ZNF683: variants seen among roughly 807,000 people sequenced by gnomAD.
ZNF683 encodes zinc finger protein 683, also known as tissue-resident T-cell transcription regulator protein ZNF683.
A neutral mutation model predicts 31.4 loss-of-function variants in ZNF683; 20 were observed. The observed-to-expected ratio is 0.64, with a 90% CI of 0.45 to 0.93. ZNF683 has a LOEUF of 0.93. Ranked by LOEUF, ZNF683 falls within the 40% of genes least tolerant of loss-of-function variation. The probability of loss-of-function intolerance (pLI) is 0.00; values close to 1 mark genes in which losing one functional copy is unlikely to be tolerated. For missense variants in ZNF683, 621 were observed against 637.2 expected, an observed-to-expected ratio of 0.97 and a Z score of 0.27; for synonymous variants, 264 against 267.6, an observed-to-expected ratio of 0.99 and a Z score of 0.13.
chr1:26,365,065 G>A lies in ZNF683; in HGVS notation c.481C>T (p.Leu161=), dbSNP rs1372434727. 3.7e-6 allele frequency: 6 copies of A among 1,606,762 alleles called. No individual in the cohort carries two copies. Among genetic ancestry groups the A allele is most frequent in the African/African-American group, 1.3e-5 (1 of 74,900 alleles). The change falls in exon 4 of 6, where the codon CTG becomes TTG. Residue 161 remains leucine (L), a synonymous_variant. Transcript: ENST00000349618. Reference sequence around the variant, plus strand: ...GGGCTGGGGCTCTTTCTGTTCTGCAGCGGTGGTGGGGAAGAGCTGTTATGA... The same window carrying A: ...GGGCTGGGGCTCTTTCTGTTCTGCAACGGTGGTGGGGAAGAGCTGTTATGA... ...SSHNSSSPPP[L]QNRKSPSPLA...
intron 1 of ZNF683, among the ~76,000 whole-genome samples, chr1:26,370,433 G>A (rs1235595362): frequency 6.6e-6 from 1 of 152,128 alleles, no homozygotes. Flanking sequence ...TTCCACCTGA[G>A]GCCACACAGC....
rs1191272117 is a variant in ZNF683, at chr1:26,363,081, G to A, written c.1088C>T (p.Ala363Val). 1.2e-6 allele frequency: 2 copies of A among 1,612,392 alleles called. No individual in the cohort carries two copies. Among genetic ancestry groups the A allele is most frequent in the Admixed American group, 3.3e-5 (2 of 59,772 alleles). The stretch of plus-strand genomic sequence containing the variant: ...CACCAGGTGGTGCTTCTGCAGGTGG[G>A]CAAGTTGAGTGAAGCTCTTCTGGCA... Reference protein sequence around the residue: ...ALCQKSFTQLAHLQKHHLVHT... With the variant: ...ALCQKSFTQLVHLQKHHLVHT... Residue 363 changes from alanine to valine, a missense_variant, in exon 5 of 6, where the codon GCC becomes GTC. Ala to Val is a moderately conservative substitution (Grantham distance 64). Transcript: ENST00000349618.
intron 1 of ZNF683, among the ~76,000 whole-genome samples, chr1:26,369,659 C>G (rs1463179157): frequency 8.2e-6 from 1 of 121,472 alleles, no homozygotes; most frequent in East Asian, 2.4e-4. Flanking sequence ...CAGAGCAAGA[C>G]TTTGTCTCCA....
chr1:26,366,417 G>A (rs1370041708), intron 3 of ZNF683, among the ~76,000 whole-genome samples: 1 of 150,300 alleles, frequency 6.7e-6, no homozygotes, highest in Non-Finnish European at 1.5e-5. Context: ...CAATCTCACT[G>A]AGCCGTTTCA....
rs2074480276 is a variant in ZNF683, at chr1:26,364,888, G to A, written c.658C>T (p.Leu220Phe). 6.5e-7 allele frequency: 1 copy of A among 1,545,280 alleles called. No homozygotes were observed. Among genetic ancestry groups the A allele is most frequent in the South Asian group, 1.3e-5 (1 of 78,712 alleles). Residue 220 changes from leucine to phenylalanine, a missense_variant, in exon 4 of 6, where the codon CTC (leucine) becomes TTC (phenylalanine). Leu to Phe is a conservative substitution (Grantham distance 22). Coordinates refer to ENST00000349618, the MANE Select transcript of ZNF683 (RefSeq NM_001114759.3). ...ALPSDQCPHL[L>F]MLPQDPSYPT... ...TAGGAGGGGTCTTGGGGCAGCATGAGGAGGTGGGGACATTGGTCAGAAGGT... is the reference window on the plus strand; with the variant it reads ...TAGGAGGGGTCTTGGGGCAGCATGAAGAGGTGGGGACATTGGTCAGAAGGT...
At chr1:26,374,259 A>G (rs1181923129), upstream of ZNF683, 1 of 1,304,118 alleles carries the variant, frequency 7.7e-7, no homozygotes, top group Non-Finnish European at 1.0e-6. Flanking sequence ...CCTCCCCTCC[A>G]AGGCACTTCC....
upstream of ZNF683, chr1:26,374,429 C>T: frequency 8.3e-7 from 1 of 1,197,730 alleles, no homozygotes; most frequent in South Asian, 1.4e-5. Flanking sequence ...AGCTCCCTGG[C>T]TTGGCTAGGA....
chr1:26,366,063 C>T (rs1329022991), intron 3 of ZNF683, among the ~76,000 whole-genome samples: 1 of 152,108 alleles, frequency 6.6e-6, no homozygotes, highest in Non-Finnish European at 1.5e-5. Context: ...GCCTGTAATC[C>T]CAGCTACTTG....
upstream of ZNF683, among the ~76,000 whole-genome samples, chr1:26,373,005 A>G (rs1213922333): frequency 6.6e-6 from 1 of 152,172 alleles, no homozygotes; most frequent in Non-Finnish European, 1.5e-5. Flanking sequence ...GCCTCACACA[A>G]ATTCTGGTGT....
chr1:26,362,876 G>A (rs1254615708), intron 5 of ZNF683, 150 bp downstream of exon 5: 7 of 1,048,894 alleles, frequency 6.7e-6, no homozygotes, highest in Admixed American at 4.8e-5. Flanking sequence ...ATTCCAGGCT[G>A]AGAGGAGTCA....
intron 1 of ZNF683, among the ~76,000 whole-genome samples, chr1:26,370,179 C>T (rs1350208280): frequency 1.3e-5 from 2 of 152,112 alleles, no homozygotes; most frequent in Non-Finnish European, 2.9e-5. Flanking sequence ...TGAGAGGGGT[C>T]CCTGACTCTA....
intron 1 of ZNF683, among the ~76,000 whole-genome samples, chr1:26,371,744 C>A (rs1055758699): frequency 2.0e-5 from 3 of 151,984 alleles, no homozygotes; most frequent in Non-Finnish European, 4.4e-5. Flanking sequence ...CCAGCATGAG[C>A]AACATGGTGA....
chr1:26,372,096 C>A (rs764766512), intron 1 of ZNF683, among the ~76,000 whole-genome samples: 13 of 152,142 alleles, frequency 8.5e-5, no homozygotes, highest in Non-Finnish European at 1.9e-4. Flanking sequence ...GTGAGTCTGG[C>A]CCAGGGTGCA....
chr1:26,370,241 T>C (rs7521886), intron 1 of ZNF683, among the ~76,000 whole-genome samples: 24,452 of 152,134 alleles, frequency 0.16, 2,978 homozygotes, highest in African/African-American at 0.34. Flanking sequence ...CTCACCCAGA[T>C]AGCTCTTCTG....
At chr1:26,365,327 T>C (rs1570252932) in intron 3 of ZNF683, 101 bp from the exon 4 acceptor site, 1 of 1,213,034 alleles carries the variant, frequency 8.2e-7, no homozygotes, top group East Asian at 2.6e-5. Context: ...ACCTCCAGCC[T>C]GCGAGCCTGC....
rs1438656350 is a variant in ZNF683 at position 26,364,521 on chromosome 1, G to A, written c.1014+11C>T. 1.9e-6 allele frequency: 3 copies of A among 1,613,490 alleles called. No homozygotes were observed. The highest frequency in any genetic ancestry group is 1.7e-6 in the Non-Finnish European group (2 of 1,179,764). On this transcript the variant is annotated intron_variant, in intron 4 of 5. Transcript: ENST00000349618. The stretch of plus-strand genomic sequence containing the variant: ...TGTTGAGGGGAGAAGCAGAGCCCAG[G>A]AGGCAGATACCTTGAGATTGGAGAG...
chr1:26,369,480 G>A (rs1396162084), intron 1 of ZNF683, among the ~76,000 whole-genome samples: 2 of 151,770 alleles, frequency 1.3e-5, no homozygotes. Flanking sequence ...CCAGCCTGAC[G>A]AACATGGTGA....
intron 2 of ZNF683, 25 bp from the exon 3 acceptor site, chr1:26,367,822 G>T: frequency 6.6e-7 from 1 of 1,518,760 alleles, no homozygotes; most frequent in Non-Finnish European, 8.9e-7. Flanking sequence ...CAAGGGGCTT[G>T]GGGGCTGGTG....
Position 26,368,512 on chromosome 1 carries a change from A to G in ZNF683, c.60T>C (p.Gly20=). The change falls in exon 2 of 6, where the codon GGT becomes GGC. Residue 20 remains glycine, a synonymous_variant. Coordinates refer to ENST00000349618, the MANE Select transcript of ZNF683 (RefSeq NM_001114759.3). The part of the protein sequence containing the change: ...GCCHRPMALG[G]TGGSLSPSLD... ...GGCTGGGGGACAGGGAGCCCCCTGTACCTCCCAGGGCCATGGGCCTATGAC... is the reference window on the plus strand; with the variant it reads ...GGCTGGGGGACAGGGAGCCCCCTGTGCCTCCCAGGGCCATGGGCCTATGAC... 6.2e-7 allele frequency: 1 copy of G among 1,604,812 alleles called. No homozygotes were observed. The highest frequency in any genetic ancestry group is 8.5e-7 in the Non-Finnish European group (1 of 1,175,640).
Sources: allele counts gnomAD v4.1 joint callset (sites outside exome capture counted in the v4.1 genomes callset), GRCh38; gene constraint gnomAD v4.1.1; transcripts MANE v1.5; gene names NCBI Gene and HGNC (gene_info 2026-07-23, HGNC 2026-07-21).